Variants in UNC5B observed in about 807,000 individuals in gnomAD.
UNC5B encodes the protein unc-5 netrin receptor B, also known as netrin receptor UNC5B.
A neutral mutation model predicts 103.7 loss-of-function variants in UNC5B; 56 were observed. The observed-to-expected ratio is 0.54, with a 90% CI of 0.44 to 0.67. The LOEUF is 0.67. Ranked by LOEUF, UNC5B falls within the 30% of genes least tolerant of loss-of-function variation. The pLI is 0.00. For synonymous variants in UNC5B, 577 were observed against 542.0 expected, an observed-to-expected ratio of 1.06 and a Z score of -0.90; for missense variants, 1,194 against 1,284.5, an observed-to-expected ratio of 0.93 and a Z score of 1.08.
intron 1 of UNC5B, among the ~76,000 whole-genome samples, chr10:71,215,023 G>A (rs1357196671): frequency 6.6e-6 from 1 of 152,234 alleles, no homozygotes; most frequent in Non-Finnish European, 1.5e-5. Flanking sequence ...GGGTCGGCCT[G>A]CAGCCTTCTC....
At chr10:71,257,439 G>T (rs573064400) in intron 1 of UNC5B, among the ~76,000 whole-genome samples, 55 of 152,292 alleles carry the variant, frequency 3.6e-4, no homozygotes, top group East Asian at 5.8e-4. Context: ...CCCCCTCCAG[G>T]CCCACCCAGG....
intron 1 of UNC5B, among the ~76,000 whole-genome samples, chr10:71,253,615 C>G (rs1844225001): frequency 6.6e-6 from 1 of 152,200 alleles, no homozygotes; most frequent in South Asian, 2.1e-4. Context: ...CTTTGTCTCC[C>G]TCTCCCCTGC....
intron 1 of UNC5B, among the ~76,000 whole-genome samples, chr10:71,249,247 C>G (rs7894342): frequency 0.8 from 121,877 of 152,246 alleles, 49,362 homozygotes; most frequent in Middle Eastern, 0.86. Context: ...CAGGCATGCT[C>G]CCCTCCAGAG....
chr10:71,272,914 G>T (rs1027902161), intron 1 of UNC5B, among the ~76,000 whole-genome samples: 4 of 144,198 alleles, frequency 2.8e-5, no homozygotes, highest in Non-Finnish European at 6.1e-5. Flanking sequence ...TTTTGAGATG[G>T]AGTCTTGCTC....
At chr10:71,219,134 A>G (rs907023172) in intron 1 of UNC5B, among the ~76,000 whole-genome samples, 2 of 152,176 alleles carry the variant, frequency 1.3e-5, no homozygotes, top group African/African-American at 4.8e-5. Flanking sequence ...GTTGCTTTAC[A>G]GTTTACAAAA....
intron 1 of UNC5B, among the ~76,000 whole-genome samples, chr10:71,261,040 G>A (rs1466506508): frequency 1.3e-5 from 2 of 152,370 alleles, no homozygotes; most frequent in Non-Finnish European, 1.5e-5. Context: ...GGAATGGGGA[G>A]AGGATGGGAC....
chr10:71,216,642 A>G (rs1843335037), intron 1 of UNC5B, among the ~76,000 whole-genome samples: 2 of 152,188 alleles, frequency 1.3e-5, no homozygotes, highest in Non-Finnish European at 2.9e-5. Flanking sequence ...TCAAAGCTTT[A>G]GGAGCCAGTG....
At chr10:71,285,747 C>T (rs944041643) in intron 4 of UNC5B, among the ~76,000 whole-genome samples, 1 of 152,178 alleles carries the variant, frequency 6.6e-6, no homozygotes, top group Non-Finnish European at 1.5e-5. Flanking sequence ...ACCCAAGGCC[C>T]CAGCTTTCTG....
intron 1 of UNC5B, among the ~76,000 whole-genome samples, chr10:71,244,384 C>G (rs1843975558): frequency 6.6e-6 from 1 of 152,228 alleles, no homozygotes; most frequent in South Asian, 2.1e-4. Flanking sequence ...TGGTTATAAT[C>G]TCCTAAGATG....
intron 1 of UNC5B, among the ~76,000 whole-genome samples, chr10:71,256,206 C>T (rs1844286539): frequency 6.6e-6 from 1 of 152,160 alleles, no homozygotes; most frequent in African/African-American, 2.4e-5. Flanking sequence ...TGTCATACCC[C>T]AGAGGTGAAC....
In UNC5B at chr10:71,302,680, T is replaced by C. The variant is rs1845606707; in HGVS notation, c.*3403T>C. The C allele has an allele frequency of 6.6e-6, 1 of 151,794 alleles. No individual in the cohort carries two copies. The highest frequency in any genetic ancestry group is 1.5e-5 in the Non-Finnish European group (1 of 68,004). 9.4% of individuals were successfully genotyped at this position (151,794 alleles called of 1,614,324 possible). ...GGGAGCTCTTGGTGGGGCAAAGGGC[T>C]GGACCCCTGCCAGGTCTGTGGACAT... On this transcript the variant is annotated 3_prime_UTR_variant, in exon 17 of 17. Transcript: ENST00000335350.
At chr10:71,251,407 A>G (rs1008881764) in intron 1 of UNC5B, among the ~76,000 whole-genome samples, 20 of 152,340 alleles carry the variant, frequency 1.3e-4, no homozygotes, top group African/African-American at 4.8e-4. Flanking sequence ...GAAACGCTGT[A>G]CATGGCATTT....
In UNC5B at chr10:71,288,583, C is replaced by A; in HGVS notation, c.917C>A (p.Thr306Lys). Residue 306 changes from threonine to lysine, a missense_variant, in exon 7 of 17, where the codon ACG becomes AAG. Transcript: ENST00000335350. ...TTICPVDGAW[T>K]EWSKWSACST... ...GCTCTTACAGTCGATGGGGCGTGGA[C>A]GGAGTGGAGCAAGTGGTCAGCCTGC... 6.2e-7 allele frequency: 1 copy of A among 1,613,716 alleles called. No individual in the cohort carries two copies.
intron 3 of UNC5B, 102 bp downstream of exon 3, chr10:71,284,965 C>T: frequency 6.8e-7 from 1 of 1,480,234 alleles, no homozygotes. Flanking sequence ...TCCAGCATCC[C>T]TGGCTGAGGA....
intron 1 of UNC5B, among the ~76,000 whole-genome samples, chr10:71,216,714 G>C (rs936530445): frequency 6.6e-6 from 1 of 152,184 alleles, no homozygotes; most frequent in African/African-American, 2.4e-5. Flanking sequence ...CCTTTTCCTG[G>C]GTGTCAGGCT....
At chr10:71,224,952 C>T (rs547074714) in intron 1 of UNC5B, among the ~76,000 whole-genome samples, 2 of 152,298 alleles carry the variant, frequency 1.3e-5, no homozygotes, top group South Asian at 4.1e-4. Flanking sequence ...TGTAAAGCAC[C>T]GTGGATACAG....
chr10:71,286,642 C>G (rs1196400622), intron 4 of UNC5B, 47 bp from the exon 5 acceptor site: 2 of 1,605,944 alleles, frequency 1.2e-6, no homozygotes, highest in African/African-American at 1.3e-5. Flanking sequence ...TGTTTATGAT[C>G]AAACCTGTCC....
At position 71,293,784 on chromosome 10, in the gene UNC5B, C is replaced by A. The variant is rs747358283; in HGVS notation, c.2026C>A (p.Gln676Lys). The A allele has an allele frequency of 7.5e-6, 12 of 1,604,292 alleles. No homozygotes were observed. In the Admixed American group the frequency reaches 2.0e-4, roughly 27 times the overall value. The stretch of plus-strand genomic sequence containing the variant: ...CAGGGCCTGTCACATCCTGCTGGAC[C>A]AGCTGGGCACCTACGTGTTCACGGG... ...EPRACHILLD[Q>K]LGTYVFTGES... Residue 676 changes from glutamine (Q) to lysine (K), a missense_variant, in exon 13 of 17, where the codon CAG (glutamine) becomes AAG (lysine). By Grantham distance (53) the Gln-to-Lys change is moderately conservative. Transcript: ENST00000335350.
chr10:71,242,903 A>G (rs1216209661), intron 1 of UNC5B, among the ~76,000 whole-genome samples: 4 of 152,076 alleles, frequency 2.6e-5, no homozygotes, highest in Admixed American at 2.6e-4. Flanking sequence ...AGGTGGGGCC[A>G]TGGAACACCC....
Sources: gnomAD v4.1 joint callset for allele counts (sites outside exome capture counted in the v4.1 genomes callset) on GRCh38, gnomAD v4.1.1 for gene constraint, MANE v1.5 for transcripts, NCBI Gene and HGNC (gene_info 2026-07-23, HGNC 2026-07-21) for gene names.